Variants in ANKFN1 observed in about 807,000 individuals in gnomAD.
The protein encoded by ANKFN1 is ankyrin repeat and fibronectin type III domain containing 1.
Under a neutral mutation model 108.7 loss-of-function variants are expected in ANKFN1, and 74 were observed. The observed-to-expected ratio is 0.68, with a 90% CI of 0.56 to 0.83. The LOEUF (loss-of-function observed/expected upper bound fraction) is 0.83. Among genes scored for constraint, ANKFN1 ranks in the 40% least tolerant of loss-of-function variants. The pLI is 0.00. For synonymous variants in ANKFN1, 547 were observed against 516.2 expected (o/e 1.06, Z -0.81); for missense variants, 1,505 against 1,382.3 (o/e 1.09, Z -1.41).
intron 8 of ANKFN1, among the ~76,000 whole-genome samples, chr17:56,386,728 TTCTA>T (rs1311736737): frequency 6.6e-6 from 1 of 152,022 alleles, no homozygotes; most frequent in Non-Finnish European, 1.5e-5. Context: ...CTGTGAGAGT[TTCTA>T]TCTGTCTCTC....
intron 6 of ANKFN1, among the ~76,000 whole-genome samples, chr17:56,370,440 T>C (rs2046778471): frequency 6.6e-6 from 1 of 152,192 alleles, no homozygotes; most frequent in Non-Finnish European, 1.5e-5. Context: ...TAAAAATTAA[T>C]AGTGGGGATT....
intron 8 of ANKFN1, among the ~76,000 whole-genome samples, chr17:56,379,972 G>T (rs1359738340): frequency 6.6e-6 from 1 of 152,132 alleles, no homozygotes; most frequent in East Asian, 1.9e-4. Flanking sequence ...AAATGTCTTT[G>T]TTATTCACGC....
intron 8 of ANKFN1, among the ~76,000 whole-genome samples, chr17:56,404,351 T>C (rs114466703): frequency 0.019 from 2,916 of 152,212 alleles, 83 homozygotes; most frequent in African/African-American, 0.065. Flanking sequence ...GGAGGCCTTG[T>C]TCATATTTTC....
In ANKFN1 at chr17:56,511,866, T is replaced by A. The variant is rs1387688028; in HGVS notation, c.*597T>A. 6.6e-6 allele frequency among the ~76,000 whole-genome samples: 1 copy of A among 152,186 alleles called. No homozygotes were observed. Among genetic ancestry groups the A allele is most frequent in the Admixed American group, 6.5e-5 (1 of 15,290 alleles). ...TATCCAATTTATCCATCAGTACTTA[T>A]CTGATTAAATAGGCCTTGACAGGCC... On this transcript the variant is annotated 3_prime_UTR_variant, in exon 21 of 21. Coordinates refer to ENST00000682825, the MANE Select transcript of ANKFN1 (RefSeq NM_001370326.1).
intron 4 of ANKFN1, among the ~76,000 whole-genome samples, chr17:56,069,443 G>C (rs370574329): frequency 2.6e-5 from 4 of 152,146 alleles, no homozygotes; most frequent in African/African-American, 9.7e-5. Flanking sequence ...AGTATTCCAG[G>C]AACAAGGTTT....
At chr17:56,398,904 A>T (rs1300115166) in intron 8 of ANKFN1, among the ~76,000 whole-genome samples, 1 of 152,202 alleles carries the variant, frequency 6.6e-6, no homozygotes, top group Non-Finnish European at 1.5e-5. Context: ...GTAAGATAAT[A>T]CTATCACTAT....
chr17:56,052,217 C>T (rs1480598319), intron 4 of ANKFN1, among the ~76,000 whole-genome samples: 1 of 152,102 alleles, frequency 6.6e-6, no homozygotes, highest in Non-Finnish European at 1.5e-5. Flanking sequence ...GGTACCAAAA[C>T]AGAGATATAG....
chr17:56,120,089 C>T (rs1242141321), intron 4 of ANKFN1, among the ~76,000 whole-genome samples: 1 of 152,148 alleles, frequency 6.6e-6, no homozygotes, highest in Non-Finnish European at 1.5e-5. Flanking sequence ...ATGCTTCATT[C>T]TTCCATCATC....
At chr17:56,344,836 T>A (rs1283166237) in intron 4 of ANKFN1, among the ~76,000 whole-genome samples, 1 of 152,028 alleles carries the variant, frequency 6.6e-6, no homozygotes, top group Non-Finnish European at 1.5e-5. Flanking sequence ...TTCTGCCCCC[T>A]TCCAGTGGCT....
intron 3 of ANKFN1, among the ~76,000 whole-genome samples, chr17:56,254,656 G>A (rs1465773450): frequency 6.6e-6 from 1 of 152,138 alleles, no homozygotes; most frequent in Non-Finnish European, 1.5e-5. Context: ...GTGCACATCA[G>A]AATCACCAGG....
chr17:56,460,408 G>A (rs551357640), intron 14 of ANKFN1, among the ~76,000 whole-genome samples: 15 of 152,120 alleles, frequency 9.9e-5, no homozygotes, highest in African/African-American at 1.4e-4. Flanking sequence ...AGCTGAGATC[G>A]TGTCCCTGCA....
intron 4 of ANKFN1, among the ~76,000 whole-genome samples, chr17:56,333,563 C>A (rs1432699247): frequency 1.3e-5 from 2 of 152,054 alleles, no homozygotes; most frequent in African/African-American, 4.8e-5. Context: ...ATATACATTG[C>A]TGGATTTAAT....
At chr17:56,375,754 A>G (rs1380640916) in intron 8 of ANKFN1, among the ~76,000 whole-genome samples, 2 of 152,184 alleles carry the variant, frequency 1.3e-5, no homozygotes, top group African/African-American at 2.4e-5. Flanking sequence ...AGGTATTGTG[A>G]TGACAACAGC....
intron 4 of ANKFN1, among the ~76,000 whole-genome samples, chr17:56,071,639 T>A (rs374526265): frequency 1.2e-4 from 19 of 152,366 alleles, no homozygotes; most frequent in African/African-American, 4.3e-4. Flanking sequence ...TTTGTTTGTT[T>A]GTTTTTATAA....
chr17:56,054,993 G>A (rs1045282137), intron 4 of ANKFN1, among the ~76,000 whole-genome samples: 10 of 151,674 alleles, frequency 6.6e-5, no homozygotes, highest in African/African-American at 1.9e-4. Flanking sequence ...TTTGTTCATC[G>A]TTGATGGCTG....
Position 56,410,365 on chromosome 17 carries a change from G to A in ANKFN1, c.911-29962G>A, listed in dbSNP as rs201124131. 1.1e-4 allele frequency among the ~76,000 whole-genome samples: 17 copies of A among 152,196 alleles called. No homozygotes were observed. In the East Asian group the frequency reaches 3.1e-3, roughly 28 times the overall value. Reference sequence around the variant, plus strand: ...CCACCTCGGCCTCCCAAAGTGCTGGGATTACAGGCATGAGCCACCATGCCA... The same window carrying A: ...CCACCTCGGCCTCCCAAAGTGCTGGAATTACAGGCATGAGCCACCATGCCA... On this transcript the variant is annotated intron_variant, in intron 8 of 20. Coordinates refer to ENST00000682825, the MANE Select transcript of ANKFN1 (RefSeq NM_001370326.1).
intron 19 of ANKFN1, among the ~76,000 whole-genome samples, chr17:56,494,433 G>A (rs1030704234): frequency 4.6e-5 from 7 of 152,076 alleles, no homozygotes; most frequent in Non-Finnish European, 7.4e-5. Flanking sequence ...ATAAAGGATA[G>A]TGGAGCATAG....
chr17:56,080,332 G>A (rs149247371), intron 4 of ANKFN1, among the ~76,000 whole-genome samples: 2 of 152,262 alleles, frequency 1.3e-5, no homozygotes, highest in Non-Finnish European at 2.9e-5. Flanking sequence ...AGGATTGTTT[G>A]CTATTACTTG....
At chr17:56,462,423 C>T (rs1436506778) in intron 14 of ANKFN1, among the ~76,000 whole-genome samples, 2 of 152,052 alleles carry the variant, frequency 1.3e-5, no homozygotes, top group Non-Finnish European at 2.9e-5. Context: ...GGACAAACCC[C>T]GTCTCTACTA....
Sources: gnomAD v4.1 joint callset for allele counts (sites outside exome capture counted in the v4.1 genomes callset) on GRCh38, gnomAD v4.1.1 for gene constraint, MANE v1.5 for transcripts, NCBI Gene and HGNC (gene_info 2026-07-23, HGNC 2026-07-21) for gene names.